The following RYR3 variants were observed in gnomAD, a reference collection of about 807,000 sequenced individuals.
RYR3 encodes brain ryanodine receptor-calcium release channel.
A neutral mutation model predicts 584.3 loss-of-function variants in RYR3; 207 were observed. The observed-to-expected ratio is 0.35, with a 90% CI of 0.32 to 0.40. RYR3 has a LOEUF of 0.40. Ranked by LOEUF, RYR3 falls within the 10% of genes least tolerant of loss-of-function variation. The pLI is 1.00. For synonymous variants in RYR3, 2,416 were observed against 2,248.5 expected (o/e 1.07, Z -2.11); for missense variants, 5,616 against 6,089.2 (o/e 0.92, Z 2.59).
chr15:33,580,134 T>G lies in RYR3; in HGVS notation c.1427T>G (p.Phe476Cys). 1.2e-6 allele frequency: 2 copies of G among 1,604,626 alleles called. No homozygotes were observed. The highest frequency in any genetic ancestry group is 1.7e-6 in the Non-Finnish European group (2 of 1,175,412). Residue 476 changes from phenylalanine (F) to cysteine (C), a missense_variant, in exon 13 of 104, where the codon TTC (phenylalanine) becomes TGC (cysteine). Physicochemically the swap from Phe to Cys is radical, Grantham distance 205 (BLOSUM62 -2). This residue lies in a region of RYR3 where 1,284 missense variants were observed against 1,344.6 expected (regional missense o/e 0.95). Transcript: ENST00000634891. ...LRSLKNRQNL[F>C]KEEGMLALVL... ...TCACTCAAAAACAGACAAAATCTTT[T>G]CAAGGAAGAGGTAAGTCGAAAAATG...
At chr15:33,407,982 A>G (rs1257579934) in intron 1 of RYR3, among the ~76,000 whole-genome samples, 1 of 139,528 alleles carries the variant, frequency 7.2e-6, no homozygotes, top group African/African-American at 3.3e-5. Context: ...TGGAAAAGGA[A>G]AAAAAAATGA....
intron 20 of RYR3, among the ~76,000 whole-genome samples, chr15:33,626,039 GGGCTGCTGGTGCCC>G (rs2060966552): frequency 6.6e-6 from 1 of 152,208 alleles, no homozygotes; most frequent in Non-Finnish European, 1.5e-5. Context: ...CATGGATGCA[GGGCTGCTGGTGCCC>G]AAGCAGGCAG....
intron 100 of RYR3, 38 bp from the exon 101 acceptor site, chr15:33,860,557 C>T (rs1172787048): frequency 1.0e-5 from 14 of 1,338,142 alleles, no homozygotes; most frequent in Non-Finnish European, 1.5e-5. Context: ...CCCTGAACCA[C>T]TACACAGATT....
At chr15:33,483,164 T>C (rs540846413) in intron 2 of RYR3, among the ~76,000 whole-genome samples, 1 of 152,240 alleles carries the variant, frequency 6.6e-6, no homozygotes, top group Admixed American at 6.5e-5. Context: ...TTCTTTCTCC[T>C]CCATTATTCT....
At chr15:33,752,322 G>T (rs1023461081) in intron 57 of RYR3, among the ~76,000 whole-genome samples, 2 of 152,196 alleles carry the variant, frequency 1.3e-5, no homozygotes, top group Non-Finnish European at 2.9e-5. Flanking sequence ...ACTTTGGGCA[G>T]TATGGCCATT....
intron 87 of RYR3, 79 bp downstream of exon 87, chr15:33,835,151 A>T (rs1370151730): frequency 2.7e-6 from 3 of 1,108,004 alleles, no homozygotes; most frequent in Non-Finnish European, 4.0e-6. Flanking sequence ...TCCCATTGTG[A>T]TGTGGCTGCT....
intron 38 of RYR3, among the ~76,000 whole-genome samples, chr15:33,672,059 C>T (rs1358762874): frequency 6.6e-6 from 1 of 152,044 alleles, no homozygotes; most frequent in Non-Finnish European, 1.5e-5. Flanking sequence ...AGCAGTCTGC[C>T]CTCCTCAGCC....
chr15:33,400,181 T>C (rs894842507), intron 1 of RYR3, among the ~76,000 whole-genome samples: 1 of 152,092 alleles, frequency 6.6e-6, no homozygotes, highest in Non-Finnish European at 1.5e-5. Flanking sequence ...TTTGTCAGAG[T>C]CAAGCACGTT....
intron 3 of RYR3, among the ~76,000 whole-genome samples, chr15:33,505,727 C>G (rs944924418): frequency 6.6e-6 from 1 of 152,176 alleles, no homozygotes; most frequent in African/African-American, 2.4e-5. Flanking sequence ...CTCCTGACCT[C>G]GTGATCTGCC....
rs1440121434 is a variant in RYR3 at position 33,706,404 on chromosome 15, C to T, written c.6484-515C>T. ...CTTTCCATTCTTCCCTCCCCTCCCC[C>T]AAGTCCCTGGCAACCACCATTCTAC... On this transcript the variant is annotated intron_variant, in intron 42 of 103. Coordinates refer to ENST00000634891, the MANE Select transcript of RYR3 (RefSeq NM_001036.6). Among the ~76,000 whole-genome samples the T allele has an allele frequency of 2.0e-5, 3 of 152,184 alleles. No individual in the cohort carries two copies. The East Asian group carries it at 5.8e-4, about 29-fold the overall frequency.
intron 8 of RYR3, 25 bp downstream of exon 8, chr15:33,543,740 A>G: frequency 7.1e-7 from 1 of 1,408,020 alleles, no homozygotes. Flanking sequence ...GCATTCTTCC[A>G]CTAGCTGTTT....
chr15:33,649,256 C>T (rs1398822464), intron 31 of RYR3, 21 bp downstream of exon 31: 2 of 1,602,476 alleles, frequency 1.2e-6, no homozygotes, highest in East Asian at 2.2e-5. Context: ...TCCCAAGTGG[C>T]AGGGTTAGCC....
At chr15:33,825,836 A>G (rs1017977651) in intron 82 of RYR3, 160 bp downstream of exon 82, 5 of 546,834 alleles carry the variant, frequency 9.1e-6, no homozygotes, top group Middle Eastern at 5.0e-4. Flanking sequence ...GGGTTCAAGC[A>G]CTTCTCCTGC....
chr15:33,834,055 G>A (rs910022731), intron 86 of RYR3, among the ~76,000 whole-genome samples: 1 of 152,122 alleles, frequency 6.6e-6, no homozygotes, highest in Non-Finnish European at 1.5e-5. Context: ...GCTAAGGCGG[G>A]TGGATCACTT....
At chr15:33,368,941 T>C (rs1274062206) in intron 1 of RYR3, among the ~76,000 whole-genome samples, 1 of 152,202 alleles carries the variant, frequency 6.6e-6, no homozygotes, top group Non-Finnish European at 1.5e-5. Flanking sequence ...TTTAGTCATC[T>C]TTAGGGATGT....
intron 1 of RYR3, among the ~76,000 whole-genome samples, chr15:33,421,999 C>G (rs543975354): frequency 1.3e-5 from 2 of 152,304 alleles, no homozygotes; most frequent in South Asian, 4.1e-4. Flanking sequence ...CATTTTTACT[C>G]TTCACCTTAA....
At chr15:33,607,747 AT>A (rs1470021632) in intron 18 of RYR3, among the ~76,000 whole-genome samples, 3 of 152,236 alleles carry the variant, frequency 2.0e-5, no homozygotes, top group Non-Finnish European at 4.4e-5. Flanking sequence ...AAGGTATAAT[AT>A]TCCTACAGTG....
chr15:33,412,642 C>T lies in RYR3; in HGVS notation c.52-60777C>T, dbSNP rs1369237133. The stretch of plus-strand genomic sequence containing the variant: ...TCTTTCTGCAGCAATGGAGACCAGG[C>T]CCAGTATTGGAGATGGGCTGGTTTG... On this transcript the variant is annotated intron_variant, in intron 1 of 103. Coordinates refer to ENST00000634891, the MANE Select transcript of RYR3 (RefSeq NM_001036.6). This position sits in a 1 kb window ranked among gnomAD's most constrained non-coding sequence, Gnocchi z 4.3. 6.6e-6 allele frequency among the ~76,000 whole-genome samples: 1 copy of T among 152,106 alleles called. No homozygotes were observed. The highest frequency in any genetic ancestry group is 1.5e-5 in the Non-Finnish European group (1 of 68,026).
At chr15:33,701,931 A>G (rs1200927003) in intron 42 of RYR3, among the ~76,000 whole-genome samples, 1 of 152,154 alleles carries the variant, frequency 6.6e-6, no homozygotes, top group Non-Finnish European at 1.5e-5. Flanking sequence ...GGATGTGGTG[A>G]GAATGCAGCA....
Sources: gnomAD v4.1 joint callset for allele counts (sites outside exome capture counted in the v4.1 genomes callset) on GRCh38, gnomAD v4.1.1 for gene constraint, gnomAD v4.1.1 regional missense constraint, Gnocchi (gnomAD v3.1) non-coding constraint, MANE v1.5 for transcripts, NCBI Gene and HGNC (gene_info 2026-07-23, HGNC 2026-07-21) for gene names.